BRAF: variants seen among roughly 807,000 people sequenced by gnomAD.
BRAF encodes the protein serine/threonine-protein kinase B-raf.
In BRAF, 16 loss-of-function variants were observed where a neutral mutation model predicts 104.6. The observed-to-expected ratio is 0.15, with a 90% CI of 0.10 to 0.23. BRAF has a LOEUF of 0.23. Ranked by LOEUF, BRAF falls within the 10% of genes least tolerant of loss-of-function variation. The pLI is 1.00. For missense variants in BRAF, 541 were observed against 937.3 expected (o/e 0.58, Z 5.52); for synonymous variants, 310 against 341.6 (o/e 0.91, Z 1.02).
rs184571536 is a variant in BRAF at position 140,902,727 on chromosome 7, G to A, written c.138+21839C>T. On this transcript the variant is annotated intron_variant, in intron 1 of 19. Coordinates refer to ENST00000644969, the MANE Select transcript of BRAF (RefSeq NM_001374258.1). ...GTGGGAGGATTGCTTGAGGCCAGGA[G>A]TTTGAGACCAGCCTAGCCAACACAG... Among the ~76,000 whole-genome samples the A allele has an allele frequency of 1.1e-4, 16 of 152,290 alleles. No individual in the cohort carries two copies. In the South Asian group the frequency reaches 1.4e-3, roughly 14 times the overall value.
At chr7:140,763,198 C>CTGG (rs1798932558) in intron 14 of BRAF, among the ~76,000 whole-genome samples, 1 of 151,986 alleles carries the variant, frequency 6.6e-6, no homozygotes, top group Non-Finnish European at 1.5e-5. Flanking sequence ...GGAGAGGCGC[C>CTGG]CCTCACCTCC....
intron 5 of BRAF, among the ~76,000 whole-genome samples, chr7:140,803,145 G>A (rs1803303337): frequency 6.6e-6 from 1 of 152,180 alleles, no homozygotes; most frequent in Middle Eastern, 3.2e-3. Context: ...TGTATAGTTA[G>A]GCTATACCAT....
chr7:140,723,353 T>C lies in BRAF; in HGVS notation c.*3141A>G. ...TTATTTCTTTATATACTGCTCTTTC[T>C]TCTCCAACACCAACATAAATATAGC... is the stretch of plus-strand genomic sequence containing the variant. On this transcript the variant is annotated 3_prime_UTR_variant, in exon 20 of 20. Transcript: ENST00000644969. 1 of 1,055,670 alleles carries C rather than the reference T, an allele frequency of 9.5e-7. No homozygotes were observed. Among genetic ancestry groups the C allele is most frequent in the Non-Finnish European group, 1.1e-6 (1 of 873,358 alleles). The allele number at this position is 1,055,670 out of a possible 1,614,324, so 65.4% of individuals were successfully genotyped here.
Position 140,807,746 on chromosome 7 carries a change from A to T in BRAF, c.711+214T>A, listed in dbSNP as rs71645951. On this transcript the variant is annotated intron_variant, in intron 5 of 19. Transcript: ENST00000644969. ...ATTCAAAATTATCTTTTAACAATGC[A>T]TACATTTTACTTTTTTAAATTAAAA... Among the ~76,000 whole-genome samples the T allele has an allele frequency of 2.5e-3, 386 of 152,270 alleles. 5 individuals carry two copies. Among genetic ancestry groups the T allele is most frequent in the Admixed American group, 0.02 (304 of 15,292 alleles).
intron 19 of BRAF, chr7:140,733,905 A>T (rs1796176039): frequency 1.3e-6 from 1 of 763,288 alleles, no homozygotes; most frequent in African/African-American, 1.9e-5. Flanking sequence ...TATTTAAAAG[A>T]AACTCCAATT....
chr7:140,858,243 T>C (rs1810020137), intron 1 of BRAF, among the ~76,000 whole-genome samples: 1 of 152,194 alleles, frequency 6.6e-6, no homozygotes, highest in African/African-American at 2.4e-5. Flanking sequence ...TGCCTCTTGA[T>C]GTGATACAAC....
rs1795528272 is a variant in BRAF at position 140,725,114 on chromosome 7, C to T, written c.*1380G>A. 1 of 1,042,398 alleles carries T rather than the reference C, an allele frequency of 9.6e-7. No homozygotes were observed. Among genetic ancestry groups the T allele is most frequent in the African/African-American group, 1.7e-5 (1 of 59,702 alleles). 64.6% of individuals were successfully genotyped at this position (1,042,398 alleles called of 1,614,324 possible). A position where few individuals can be genotyped will look rare whatever the true frequency, so the allele number is the denominator to read the frequency against. On this transcript the variant is annotated 3_prime_UTR_variant, in exon 20 of 20. Transcript: ENST00000644969. ...ATTGCCCAACCTTTTGAAGACCAGG[C>T]TTGGGAAAAAAGGAAGAAGGAGAAT...
intron 19 of BRAF, chr7:140,731,813 T>C (rs190945493): frequency 7.7e-4 from 117 of 152,336 alleles, no homozygotes; most frequent in Non-Finnish European, 1.1e-3. Context: ...TTCCTCATCA[T>C]TGATTAGTAA....
chr7:140,861,062 C>A (rs2129083410), intron 1 of BRAF, among the ~76,000 whole-genome samples: 1 of 152,264 alleles, frequency 6.6e-6, no homozygotes, highest in Non-Finnish European at 1.5e-5. Context: ...AAGCAAGTTT[C>A]AGGATATATA....
At chr7:140,801,210 T>C (rs1803073576) in intron 6 of BRAF, 1 of 580,058 alleles carries the variant, frequency 1.7e-6, no homozygotes, top group South Asian at 2.3e-5. Context: ...ATAAATTAAC[T>C]GTATAGCTGA....
chr7:140,822,196 C>T (rs1350816466), intron 3 of BRAF, among the ~76,000 whole-genome samples: 2 of 152,140 alleles, frequency 1.3e-5, no homozygotes, highest in African/African-American at 4.8e-5. Flanking sequence ...ATAATTCTTT[C>T]TCCCAAAGTC....
chr7:140,759,971 CA>C (rs1562944829), intron 14 of BRAF, among the ~76,000 whole-genome samples: 2 of 152,144 alleles, frequency 1.3e-5, no homozygotes, highest in African/African-American at 4.8e-5. Flanking sequence ...ACTAAGAACA[CA>C]ATTAAACAAG....
chr7:140,738,966 G>GA (rs56672171), intron 18 of BRAF, among the ~76,000 whole-genome samples: 24,685 of 118,792 alleles, frequency 0.21, 3,841 homozygotes, highest in African/African-American at 0.46. Context: ...TTCCAATATG[G>GA]AAAAAAAAAA....
intron 1 of BRAF, among the ~76,000 whole-genome samples, chr7:140,886,788 A>T (rs1197643330): frequency 6.6e-6 from 1 of 152,154 alleles, no homozygotes; most frequent in Non-Finnish European, 1.5e-5. Flanking sequence ...GTATTTTTTA[A>T]ATAATTTGTT....
chr7:140,881,094 CA>C (rs1812851485), intron 1 of BRAF, among the ~76,000 whole-genome samples: 1 of 152,068 alleles, frequency 6.6e-6, no homozygotes, highest in South Asian at 2.1e-4. Context: ...TTCTTCTGAG[CA>C]GGGGGTCTCA....
chr7:140,919,830 GTTTT>G lies in BRAF; in HGVS notation c.138+4732_138+4735del, dbSNP rs71522121. 3.4e-5 allele frequency among the ~76,000 whole-genome samples: 5 copies of G among 148,368 alleles called. No homozygotes were observed. The East Asian group carries it at 9.9e-4, about 29-fold the overall frequency. On this transcript the variant is annotated intron_variant, in intron 1 of 19. Coordinates refer to ENST00000644969, the MANE Select transcript of BRAF (RefSeq NM_001374258.1). ...AGAAGTTCTACAAGCAAGTTTTTTT[GTTTT>G]TTTTTTGTTTGTTTGTTTGTTTGTT... is the stretch of plus-strand genomic sequence containing the variant.
At chr7:140,799,074 G>A (rs1181206342) in intron 7 of BRAF, 2 of 179,712 alleles carry the variant, frequency 1.1e-5, no homozygotes, top group Non-Finnish European at 2.4e-5. Context: ...GGCTGGTCTC[G>A]AACTCCTGAC....
At chr7:140,904,848 C>A (rs952364151) in intron 1 of BRAF, among the ~76,000 whole-genome samples, 1 of 152,168 alleles carries the variant, frequency 6.6e-6, no homozygotes, top group Non-Finnish European at 1.5e-5. Flanking sequence ...CCCTCGTGAT[C>A]CGCCTGCCTC....
chr7:140,862,453 T>C (rs1368008054), intron 1 of BRAF, among the ~76,000 whole-genome samples: 1 of 152,106 alleles, frequency 6.6e-6, no homozygotes, highest in African/African-American at 2.4e-5. Context: ...ATAGAATAAA[T>C]AAAGATTATG....
Sources: allele counts gnomAD v4.1 joint callset (sites outside exome capture counted in the v4.1 genomes callset), GRCh38; gene constraint gnomAD v4.1.1; transcripts MANE v1.5; gene names NCBI Gene and HGNC (gene_info 2026-07-23, HGNC 2026-07-21).